The following SORCS3 variants were observed in gnomAD, a reference collection of about 807,000 sequenced individuals.
The protein encoded by SORCS3 is sortilin related VPS10 domain containing receptor 3, also known as VPS10 domain-containing receptor SorCS3.
In SORCS3, 57 loss-of-function variants were observed where a neutral mutation model predicts 146.3. The ratio of observed to expected loss-of-function variants is 0.39; its 90% CI spans 0.31 to 0.49. The LOEUF is 0.49. Among genes scored for constraint, SORCS3 ranks in the 20% least tolerant of loss-of-function variants. The probability of loss-of-function intolerance (pLI) is 0.92; values close to 1 mark genes in which losing one functional copy is unlikely to be tolerated. For missense variants in SORCS3, 1,341 were observed against 1,575.5 expected, an observed-to-expected ratio of 0.85 and a Z score of 2.52; for synonymous variants, 653 against 618.5, an observed-to-expected ratio of 1.06 and a Z score of -0.83.
intron 1 of SORCS3, among the ~76,000 whole-genome samples, chr10:104,835,946 T>C (rs754379198): frequency 5.3e-5 from 8 of 152,198 alleles, no homozygotes; most frequent in Non-Finnish European, 1.2e-4. Context: ...CCCATTTTAG[T>C]AAAACACAGC....
At chr10:105,244,998 G>A (rs1007673187) in intron 20 of SORCS3, among the ~76,000 whole-genome samples, 1 of 151,578 alleles carries the variant, frequency 6.6e-6, no homozygotes, top group Non-Finnish European at 1.5e-5. Flanking sequence ...GAACCCAGGA[G>A]GCGGAGGTTG....
At chr10:104,969,340 T>TGTGTGTGCGC (rs398014705) in intron 3 of SORCS3, among the ~76,000 whole-genome samples, 42 of 112,420 alleles carry the variant, frequency 3.7e-4, no homozygotes, top group African/African-American at 9.7e-4. Context: ...TGTGTGTGTG[T>TGTGTGTGCGC]GCGCGCGCGC....
intron 4 of SORCS3, among the ~76,000 whole-genome samples, chr10:105,016,155 A>ATATATATATATATTTTT (rs71482443): frequency 3.9e-5 from 4 of 101,318 alleles, no homozygotes; most frequent in African/African-American, 1.9e-4. Flanking sequence ...ATATATATAT[A>ATATATATATATATTTTT]TTTTTTTTTT....
At chr10:104,710,428 G>A (rs117560317) in intron 1 of SORCS3, among the ~76,000 whole-genome samples, 3,015 of 152,256 alleles carry the variant, frequency 0.02, 40 homozygotes, top group Non-Finnish European at 0.029. Context: ...TGAAAAAAAC[G>A]GGCAAGTCTC....
At chr10:105,154,822 T>TA (rs1405738694) in intron 9 of SORCS3, among the ~76,000 whole-genome samples, 1 of 152,210 alleles carries the variant, frequency 6.6e-6, no homozygotes, top group African/African-American at 2.4e-5. Context: ...ATGTATTTCT[T>TA]ACTTGGGTTG....
At chr10:104,674,855 A>G (rs2015896207) in intron 1 of SORCS3, among the ~76,000 whole-genome samples, 1 of 152,198 alleles carries the variant, frequency 6.6e-6, no homozygotes, top group East Asian at 1.9e-4. Context: ...TTATTTCTCC[A>G]TAGTATAGGA....
intron 1 of SORCS3, among the ~76,000 whole-genome samples, chr10:104,742,425 T>C (rs530449147): frequency 3.3e-5 from 5 of 152,114 alleles, no homozygotes; most frequent in Non-Finnish European, 7.4e-5. Flanking sequence ...ATCACAGTGT[T>C]TAAGGATCTA....
intron 1 of SORCS3, among the ~76,000 whole-genome samples, chr10:104,774,195 A>G (rs116458431): frequency 1.8e-3 from 277 of 152,112 alleles, no homozygotes; most frequent in African/African-American, 6.4e-3. Context: ...CTGACTTCCT[A>G]CCCCAAATCT....
chr10:104,817,398 C>T (rs1453122112), intron 1 of SORCS3, among the ~76,000 whole-genome samples: 150 of 92,790 alleles, frequency 1.6e-3, no homozygotes, highest in Non-Finnish European at 2.8e-3. Context: ...CCTCCTCCTT[C>T]CCCCTCCTCC....
At chr10:104,947,061 C>T (rs760927843) in intron 3 of SORCS3, among the ~76,000 whole-genome samples, 1 of 152,194 alleles carries the variant, frequency 6.6e-6, no homozygotes, top group African/African-American at 2.4e-5. Flanking sequence ...TGGCAGCTCA[C>T]GTTCTAGGAA....
At chr10:104,981,848 C>A (rs148634697) in intron 4 of SORCS3, among the ~76,000 whole-genome samples, 1 of 152,106 alleles carries the variant, frequency 6.6e-6, no homozygotes, top group Non-Finnish European at 1.5e-5. Context: ...TCTCTAATAC[C>A]GTTTATATTC....
At chr10:104,810,809 C>G (rs2017731770) in intron 1 of SORCS3, among the ~76,000 whole-genome samples, 1 of 152,196 alleles carries the variant, frequency 6.6e-6, no homozygotes, top group Admixed American at 6.5e-5. Flanking sequence ...ATTGTGGAAA[C>G]TTTCCTAGCA....
intron 3 of SORCS3, among the ~76,000 whole-genome samples, chr10:104,944,488 C>T (rs999323509): frequency 1.3e-5 from 2 of 152,092 alleles, no homozygotes; most frequent in African/African-American, 2.4e-5. Context: ...ATCTAGACTA[C>T]ATAAATAATG....
chr10:105,201,238 A>G lies in SORCS3; in HGVS notation c.2246A>G (p.Asn749Ser), dbSNP rs202034563. The change falls in exon 16 of 27, where the codon AAT becomes AGT. Residue 749 changes from asparagine (N) to serine (S), a missense_variant. By Grantham distance (46) the Asn-to-Ser change is conservative. Transcript: ENST00000369701. ...SVVSEPCVCA[N>S]WDFECDYGYE... ...GTCTCAGAACCCTGTGTCTGTGCCAATTGGGACTTCGAGTGGTGAGTTGTT... is the reference window on the plus strand; with the variant it reads ...GTCTCAGAACCCTGTGTCTGTGCCAGTTGGGACTTCGAGTGGTGAGTTGTT... 6 of 1,608,184 alleles carry G rather than the reference A, an allele frequency of 3.7e-6. No homozygotes were observed. Among genetic ancestry groups the G allele is most frequent in the East Asian group, 2.2e-5 (1 of 44,798 alleles).
At chr10:104,671,429 G>A (rs533136273) in intron 1 of SORCS3, among the ~76,000 whole-genome samples, 4 of 135,558 alleles carry the variant, frequency 3.0e-5, no homozygotes, top group African/African-American at 1.1e-4. Flanking sequence ...CTGCCTTCCA[G>A]GTTCAAGCAA....
chr10:105,263,053 T>G (rs1589717043), intron 26 of SORCS3, among the ~76,000 whole-genome samples: 1 of 152,266 alleles, frequency 6.6e-6, no homozygotes, highest in Admixed American at 6.5e-5. Flanking sequence ...ACATTGGCTG[T>G]TACTGTTGTT....
Position 105,109,890 on chromosome 10 carries a change from T to A in SORCS3, c.1212+4375T>A, listed in dbSNP as rs1245634749. Reference sequence around the variant, plus strand: ...GTACTGATTCTTCTGGAATATTAATTTTTTTGTTAAATAGATTGAATTTTT... The same window carrying A: ...GTACTGATTCTTCTGGAATATTAATATTTTTGTTAAATAGATTGAATTTTT... On this transcript the variant is annotated intron_variant, in intron 7 of 26. Coordinates refer to ENST00000369701, the MANE Select transcript of SORCS3 (RefSeq NM_014978.3). Among the ~76,000 whole-genome samples, 3 of 152,198 alleles carry A rather than the reference T, an allele frequency of 2.0e-5. No homozygotes were observed. The East Asian group carries it at 5.8e-4, about 29-fold the overall frequency.
At chr10:105,135,271 C>G (rs991527866) in intron 7 of SORCS3, among the ~76,000 whole-genome samples, 12 of 152,102 alleles carry the variant, frequency 7.9e-5, no homozygotes, top group Admixed American at 5.9e-4. Context: ...ATGTGGCGAT[C>G]AGAGACTTGA....
chr10:104,868,578 C>T (rs2018485022), intron 2 of SORCS3, among the ~76,000 whole-genome samples: 1 of 152,204 alleles, frequency 6.6e-6, no homozygotes, highest in Non-Finnish European at 1.5e-5. Flanking sequence ...TGATAGTTCC[C>T]CTGGCTCTGT....
Sources: allele counts gnomAD v4.1 joint callset (sites outside exome capture counted in the v4.1 genomes callset), GRCh38; gene constraint gnomAD v4.1.1; transcripts MANE v1.5; gene names NCBI Gene and HGNC (gene_info 2026-07-23, HGNC 2026-07-21).